Variants in PKN2 observed in about 807,000 individuals in gnomAD.
PKN2 encodes the protein protein kinase N2.
A neutral mutation model predicts 119.1 loss-of-function variants in PKN2; 38 were observed. The ratio of observed to expected loss-of-function variants is 0.32; its 90% confidence interval spans 0.25 to 0.42. PKN2 has a LOEUF of 0.42. Ranked by LOEUF, PKN2 falls within the 10% of genes least tolerant of loss-of-function variation. The pLI, the probability that PKN2 is intolerant of heterozygous loss-of-function variation, is 1.00. For missense variants in PKN2, 850 were observed against 1,165.1 expected, an observed-to-expected ratio of 0.73 and a Z score of 3.94; for synonymous variants, 390 against 384.9, an observed-to-expected ratio of 1.01 and a Z score of -0.15.
At chr1:88,790,722 T>A (rs1160319214) in intron 8 of PKN2, among the ~76,000 whole-genome samples, 1 of 152,138 alleles carries the variant, frequency 6.6e-6, no homozygotes, top group Non-Finnish European at 1.5e-5. Context: ...TTGTTTCAGA[T>A]CCAATAAATT....
At chr1:88,738,553 A>G (rs1668447717) in intron 1 of PKN2, among the ~76,000 whole-genome samples, 1 of 152,226 alleles carries the variant, frequency 6.6e-6, no homozygotes, top group African/African-American at 2.4e-5. Flanking sequence ...TTTAAGGAAC[A>G]AAGTGGAAAG....
At chr1:88,759,005 C>T (rs750774674) in intron 2 of PKN2, among the ~76,000 whole-genome samples, 3 of 152,244 alleles carry the variant, frequency 2.0e-5, no homozygotes, top group Non-Finnish European at 4.4e-5. Context: ...CTCCCACCAA[C>T]AGTGTATAAG....
chr1:88,786,297 T>C (rs921189657), intron 8 of PKN2, 84 bp downstream of exon 8: 13 of 648,932 alleles, frequency 2.0e-5, no homozygotes, highest in Non-Finnish European at 3.4e-5. Flanking sequence ...TTCAACAAGT[T>C]GTATTCTTAA....
chr1:88,751,977 GT>G (rs141500533), intron 2 of PKN2, among the ~76,000 whole-genome samples: 44 of 152,158 alleles, frequency 2.9e-4, no homozygotes, highest in African/African-American at 1.1e-3. Context: ...GATATCCTTT[GT>G]CTTCAGTGTT....
chr1:88,737,177 A>G (rs1301922898), intron 1 of PKN2, among the ~76,000 whole-genome samples: 1 of 152,204 alleles, frequency 6.6e-6, no homozygotes, highest in Admixed American at 6.5e-5. Context: ...CAGCACAGGG[A>G]TATGCCCAAG....
intron 4 of PKN2, among the ~76,000 whole-genome samples, chr1:88,770,778 G>A (rs1669860018): frequency 6.6e-6 from 1 of 151,056 alleles, no homozygotes; most frequent in African/African-American, 2.4e-5. Context: ...GTAGAGACGG[G>A]GTTTCACCGT....
chr1:88,751,226 G>T (rs758669893), intron 2 of PKN2, among the ~76,000 whole-genome samples: 3 of 151,442 alleles, frequency 2.0e-5, no homozygotes, highest in Non-Finnish European at 4.4e-5. Flanking sequence ...TAGGTGATGG[G>T]TATATAGGTG....
At chr1:88,769,444 T>C (rs1286901892) in intron 3 of PKN2, among the ~76,000 whole-genome samples, 5 of 152,186 alleles carry the variant, frequency 3.3e-5, no homozygotes, top group East Asian at 1.9e-4. Context: ...CTTAGAGTTA[T>C]TGATCATAGT....
intron 1 of PKN2, among the ~76,000 whole-genome samples, chr1:88,685,502 G>A (rs59380896): frequency 0.1 from 15,428 of 152,122 alleles, 1,512 homozygotes; most frequent in African/African-American, 0.26. Flanking sequence ...GAGTAGCAAT[G>A]TTATTTCCCA....
intron 8 of PKN2, among the ~76,000 whole-genome samples, chr1:88,795,252 A>G (rs1326020073): frequency 6.6e-6 from 1 of 152,154 alleles, no homozygotes; most frequent in Non-Finnish European, 1.5e-5. Context: ...GTCTATGATC[A>G]TTCAAGTTGC....
intron 1 of PKN2, among the ~76,000 whole-genome samples, chr1:88,702,653 A>G (rs550933517): frequency 6.6e-6 from 1 of 152,330 alleles, no homozygotes; most frequent in African/African-American, 2.4e-5. Context: ...CACTACTTGA[A>G]AAAGTTTTTT....
chr1:88,776,387 T>C (rs1670106417), intron 6 of PKN2, among the ~76,000 whole-genome samples: 2 of 151,564 alleles, frequency 1.3e-5, no homozygotes, highest in African/African-American at 2.4e-5. Context: ...TTTTTTTGAA[T>C]GATAGTTTGG....
intron 1 of PKN2, among the ~76,000 whole-genome samples, chr1:88,690,701 G>GT (rs1387293271): frequency 4.7e-5 from 7 of 150,210 alleles, no homozygotes; most frequent in African/African-American, 9.8e-5. Flanking sequence ...ATCATACTTG[G>GT]TTTTTTTTTG....
rs1344266930 is a variant in PKN2, at chr1:88,718,501, T to C, written c.49-22487T>C. 3.3e-5 allele frequency among the ~76,000 whole-genome samples: 5 copies of C among 152,284 alleles called. No homozygotes were observed. The East Asian group carries it at 9.6e-4, about 29-fold the overall frequency. On this transcript the variant is annotated intron_variant, in intron 1 of 21. Transcript: ENST00000370521. ...AGATTAGTGGAGACCAACTTTACAA[T>C]GAGAAAAATGAATGAGATAAAAGAA...
chr1:88,717,531 T>A (rs981053830), intron 1 of PKN2, among the ~76,000 whole-genome samples: 2 of 152,020 alleles, frequency 1.3e-5, no homozygotes, highest in African/African-American at 4.8e-5. Flanking sequence ...TCTTGTTTCA[T>A]TTCATTCATT....
At chr1:88,831,445 T>C (rs893176544) in intron 19 of PKN2, among the ~76,000 whole-genome samples, 2 of 151,882 alleles carry the variant, frequency 1.3e-5, no homozygotes, top group Non-Finnish European at 2.9e-5. Flanking sequence ...CAGAAGAAAT[T>C]AGATTGTCCA....
intron 8 of PKN2, among the ~76,000 whole-genome samples, chr1:88,791,425 G>A (rs1670835051): frequency 6.9e-6 from 1 of 144,210 alleles, no homozygotes; most frequent in African/African-American, 2.6e-5. Context: ...GTGAAACTCT[G>A]TCTCAAAAAA....
chr1:88,762,953 A>C (rs1375848659), intron 3 of PKN2, among the ~76,000 whole-genome samples: 3 of 152,188 alleles, frequency 2.0e-5, no homozygotes, highest in Non-Finnish European at 4.4e-5. Flanking sequence ...TGTATTTCTT[A>C]CCTGACATAT....
chr1:88,826,092 C>T (rs138868854), intron 18 of PKN2, among the ~76,000 whole-genome samples: 1,581 of 152,270 alleles, frequency 0.01, 20 homozygotes, highest in Middle Eastern at 0.024. Context: ...ACTATTCTAC[C>T]TTATCTTGCT....
Sources: allele counts gnomAD v4.1 joint callset (sites outside exome capture counted in the v4.1 genomes callset), GRCh38; gene constraint gnomAD v4.1.1; transcripts MANE v1.5; gene names NCBI Gene and HGNC (gene_info 2026-07-23, HGNC 2026-07-21).